The following CALCRL variants were observed in gnomAD, a reference collection of about 807,000 sequenced individuals.
CALCRL encodes calcitonin receptor like receptor.
CALCRL carries 27 observed loss-of-function variants against 60.4 expected under a neutral mutation model. The ratio of observed to expected loss-of-function variants is 0.45; its 90% CI spans 0.33 to 0.62. The LOEUF (loss-of-function observed/expected upper bound fraction) is 0.62, where lower values mean the gene tolerates loss of function less well. Among genes scored for constraint, CALCRL ranks in the 20% least tolerant of loss-of-function variants. The pLI, the probability that CALCRL is intolerant of heterozygous loss-of-function variation, is 0.03. For synonymous variants in CALCRL, 190 were observed against 182.6 expected (o/e 1.04, Z -0.33); for missense variants, 424 against 540.7 (o/e 0.78, Z 2.14).
chr2:187,380,743 C>T lies in CALCRL; in HGVS notation c.229G>A (p.Asp77Asn), dbSNP rs1273852056. The stretch of plus-strand genomic sequence containing the variant: ...ATTGATTCAGTTCCTGCTGCAACAT[C>T]GTTCCAGCAGAGCCATCCATCCCAG... ...RTWDGWLCWN[D>N]VAAGTESMQL... is the part of the protein sequence containing the mutation. Residue 77 changes from aspartate to asparagine, a missense_variant, in exon 6 of 15, where the codon GAT becomes AAT. This residue lies in a region of CALCRL where 108 missense variants were observed against 132.9 expected (regional missense o/e 0.81). Coordinates refer to ENST00000392370, the MANE Select transcript of CALCRL (RefSeq NM_005795.6). The T allele has an allele frequency of 1.9e-6, 3 of 1,614,006 alleles. No individual in the cohort carries two copies. Among genetic ancestry groups the T allele is most frequent in the Non-Finnish European group, 2.5e-6 (3 of 1,179,944 alleles).
chr2:187,366,812 A>AT (rs895564730), intron 8 of CALCRL, among the ~76,000 whole-genome samples: 5 of 151,164 alleles, frequency 3.3e-5, no homozygotes, highest in East Asian at 1.9e-4. Context: ...TCAGAATTCC[A>AT]TTTTTTTTAC....
intron 9 of CALCRL, 85 bp downstream of exon 9, chr2:187,363,291 A>C: frequency 1.6e-6 from 2 of 1,274,146 alleles, no homozygotes; most frequent in Non-Finnish European, 2.1e-6. Context: ...ATGTGTACTT[A>C]ATTATACACA....
intron 8 of CALCRL, among the ~76,000 whole-genome samples, chr2:187,368,443 T>C (rs1273989766): frequency 6.6e-6 from 1 of 152,062 alleles, no homozygotes; most frequent in East Asian, 1.9e-4. Flanking sequence ...AGACAGAATT[T>C]CCATATGATG....
At chr2:187,426,563 GCTAT>G (rs955741186) in intron 1 of CALCRL, among the ~76,000 whole-genome samples, 1 of 151,914 alleles carries the variant, frequency 6.6e-6, no homozygotes, top group Non-Finnish European at 1.5e-5. Context: ...TCTACTTGTA[GCTAT>G]CTATTTATAT....
At chr2:187,385,760 CA>C (rs928977404) in intron 3 of CALCRL, 129 bp from the exon 4 acceptor site, 12 of 615,930 alleles carry the variant, frequency 1.9e-5, no homozygotes, top group South Asian at 1.5e-4. Context: ...TTTGATAAAT[CA>C]TTTTTTTTAA....
chr2:187,358,367 TA>T (rs1012563072), intron 12 of CALCRL, among the ~76,000 whole-genome samples: 1 of 152,004 alleles, frequency 6.6e-6, no homozygotes, highest in Non-Finnish European at 1.5e-5. Context: ...ATTAAAATAA[TA>T]AAAATAATAA....
intron 1 of CALCRL, among the ~76,000 whole-genome samples, chr2:187,429,131 A>T (rs1257920682): frequency 1.3e-5 from 2 of 152,102 alleles, no homozygotes; most frequent in East Asian, 1.9e-4. Flanking sequence ...CTAGAAATAG[A>T]TGCTTCTGTT....
chr2:187,366,920 C>CCACA (rs71017389), intron 8 of CALCRL, among the ~76,000 whole-genome samples: 2 of 97,550 alleles, frequency 2.1e-5, no homozygotes, highest in Admixed American at 1.0e-4. Context: ...GAGTATAACC[C>CCACA]CACACACACA....
At chr2:187,401,058 G>T (rs955591363) in intron 1 of CALCRL, among the ~76,000 whole-genome samples, 1 of 151,476 alleles carries the variant, frequency 6.6e-6, no homozygotes, top group African/African-American at 2.4e-5. Flanking sequence ...TTACATGGGT[G>T]TATTGTGCAA....
intron 1 of CALCRL, among the ~76,000 whole-genome samples, chr2:187,419,867 A>G (rs1404363858): frequency 2.0e-5 from 3 of 152,298 alleles, no homozygotes; most frequent in South Asian, 4.1e-4. Flanking sequence ...TATAAATAGC[A>G]TATTATGCCA....
intron 1 of CALCRL, among the ~76,000 whole-genome samples, chr2:187,445,501 T>A (rs1691135315): frequency 6.6e-6 from 1 of 151,570 alleles, no homozygotes; most frequent in African/African-American, 2.4e-5. Flanking sequence ...TCTAGAACAA[T>A]CTTTTAAAAT....
chr2:187,427,968 G>T (rs893812605), intron 1 of CALCRL, among the ~76,000 whole-genome samples: 1 of 152,086 alleles, frequency 6.6e-6, no homozygotes, highest in Non-Finnish European at 1.5e-5. Flanking sequence ...AATCTTTAAT[G>T]AAGTCTACTG....
chr2:187,414,918 T>C (rs1013412364), intron 1 of CALCRL, among the ~76,000 whole-genome samples: 1 of 151,400 alleles, frequency 6.6e-6, no homozygotes, highest in African/African-American at 2.4e-5. Context: ...TCTTTTTTTT[T>C]CAAATGTTTT....
At chr2:187,370,836 C>T (rs1687485170) in intron 8 of CALCRL, among the ~76,000 whole-genome samples, 1 of 152,074 alleles carries the variant, frequency 6.6e-6, no homozygotes, top group South Asian at 2.1e-4. Context: ...ATTTTGGCAC[C>T]ATCTCACTTT....
chr2:187,383,140 C>A (rs1688048580), intron 5 of CALCRL, 33 bp downstream of exon 5: 1 of 1,597,088 alleles, frequency 6.3e-7, no homozygotes, highest in South Asian at 1.1e-5. Flanking sequence ...AAAAATATGT[C>A]AAATGCATTT....
chr2:187,427,477 GA>G (rs1690195418), intron 1 of CALCRL, among the ~76,000 whole-genome samples: 2 of 152,082 alleles, frequency 1.3e-5, no homozygotes, highest in South Asian at 4.1e-4. Context: ...AATTTGAAAA[GA>G]AAAAATGATA....
At chr2:187,349,251 G>A (rs950928488) in intron 14 of CALCRL, among the ~76,000 whole-genome samples, 4 of 151,610 alleles carry the variant, frequency 2.6e-5, no homozygotes, top group Non-Finnish European at 5.9e-5. Context: ...GGGATAAAAT[G>A]AAAGTAATCC....
chr2:187,435,651 T>C (rs1298307214), intron 1 of CALCRL, among the ~76,000 whole-genome samples: 1 of 152,206 alleles, frequency 6.6e-6, no homozygotes, highest in Non-Finnish European at 1.5e-5. Flanking sequence ...TGAATCTATG[T>C]ATCAAAATAT....
intron 1 of CALCRL, among the ~76,000 whole-genome samples, chr2:187,447,048 CA>C (rs1559083921): frequency 6.6e-6 from 1 of 151,984 alleles, no homozygotes. Context: ...GATATATCTA[CA>C]CAAACAATTT....
Sources: allele counts gnomAD v4.1 joint callset (sites outside exome capture counted in the v4.1 genomes callset), GRCh38; gene constraint gnomAD v4.1.1; regional missense constraint gnomAD v4.1.1; transcripts MANE v1.5; gene names NCBI Gene and HGNC (gene_info 2026-07-23, HGNC 2026-07-21).